FBLN7: variants seen among roughly 807,000 people sequenced by gnomAD.
The protein encoded by FBLN7 is fibulin-7.
In FBLN7, 31 loss-of-function variants were observed where a neutral mutation model predicts 44.0. The observed-to-expected ratio is 0.70, with a 90% CI of 0.53 to 0.95. FBLN7 has a LOEUF of 0.95. FBLN7 is among the 40% of genes least tolerant of loss of function. The pLI is 0.00. For synonymous variants in FBLN7, 262 were observed against 253.4 expected (o/e 1.03, Z -0.32); for missense variants, 573 against 618.5 (o/e 0.93, Z 0.78).
chr2:112,244,579 T>C, the FBLN7 span, among the ~76,000 whole-genome samples: 1 of 152,210 alleles, frequency 6.6e-6, no homozygotes, highest in Admixed American at 6.5e-5. Context: ...CTTTTACAGA[T>C]TGAAGGTCTG....
chr2:112,160,047 G>A (rs1681658473), intron 2 of FBLN7, among the ~76,000 whole-genome samples: 1 of 152,058 alleles, frequency 6.6e-6, no homozygotes, highest in African/African-American at 2.4e-5. Context: ...CTGGAGTGCA[G>A]TGGCGCGATC....
At chr2:112,168,268 G>C (rs138038522) in intron 3 of FBLN7, among the ~76,000 whole-genome samples, 1 of 152,170 alleles carries the variant, frequency 6.6e-6, no homozygotes, top group Non-Finnish European at 1.5e-5. Flanking sequence ...GCCCACCTTC[G>C]GGATGCCTAC....
chr2:112,167,875 G>GTTATGTTAT (rs767919839), intron 3 of FBLN7, among the ~76,000 whole-genome samples: 1,696 of 148,682 alleles, frequency 0.011, 21 homozygotes, highest in Middle Eastern at 0.02. Flanking sequence ...GACACGTTAT[G>GTTATGTTAT]TTATGTTATG....
chr2:112,215,811 GAAAGAT>G, the FBLN7 span: 1 of 152,056 alleles, frequency 6.6e-6, no homozygotes. Context: ...AAACCAATGA[GAAAGAT>G]AAATATTCTT....
chr2:112,239,316 T>G, the FBLN7 span, among the ~76,000 whole-genome samples: 855 of 152,346 alleles, frequency 5.6e-3, no homozygotes, highest in Non-Finnish European at 9.7e-3. Flanking sequence ...TCATTATAAT[T>G]AGTATGTATG....
intron 2 of FBLN7, among the ~76,000 whole-genome samples, chr2:112,160,146 A>G (rs1049456798): frequency 2.3e-4 from 35 of 151,664 alleles, no homozygotes; most frequent in East Asian, 7.7e-4. Context: ...GCCCGCCACC[A>G]CGCCCGGCTA....
At position 112,138,505 on chromosome 2, in the gene FBLN7, C is replaced by A; in HGVS notation, c.-151C>A. On this transcript the variant is annotated 5_prime_UTR_variant, in exon 1 of 8. Coordinates refer to ENST00000331203, the MANE Select transcript of FBLN7 (RefSeq NM_153214.3). ...CGATCCCCGCGGGACGCGCTGCGCT[C>A]GGGGCCTCCCGCCTCCCCCCCTGCC... is the stretch of plus-strand genomic sequence containing the variant. 9.7e-7 allele frequency: 1 copy of A among 1,025,908 alleles called. No individual in the cohort carries two copies. Among genetic ancestry groups the A allele is most frequent in the Non-Finnish European group, 1.3e-6 (1 of 760,762 alleles). 63.6% of individuals were successfully genotyped at this position (1,025,908 alleles called of 1,614,324 possible).
intron 2 of FBLN7, among the ~76,000 whole-genome samples, chr2:112,162,638 GTTCCCC>G (rs1358384672): frequency 1.3e-5 from 2 of 152,176 alleles, no homozygotes; most frequent in African/African-American, 4.8e-5. Flanking sequence ...CAAAGGACAC[GTTCCCC>G]TTCTGTCACT....
intron 1 of FBLN7, among the ~76,000 whole-genome samples, chr2:112,159,414 C>T (rs1681605099): frequency 6.6e-6 from 1 of 152,156 alleles, no homozygotes; most frequent in South Asian, 2.1e-4. Flanking sequence ...GATTATAAGG[C>T]TCTTTGGGTT....
At chr2:112,218,041 A>T in the FBLN7 span, among the ~76,000 whole-genome samples, 1 of 152,158 alleles carries the variant, frequency 6.6e-6, no homozygotes, top group South Asian at 2.1e-4. Flanking sequence ...GGCTCATACC[A>T]GCACACCCAG....
chr2:112,230,732 G>C, the FBLN7 span: 1 of 294,646 alleles, frequency 3.4e-6, no homozygotes, highest in South Asian at 5.1e-5. Context: ...AAGGAAGCAG[G>C]CTGATGTAGA....
At chr2:112,146,019 G>A (rs537053075) in intron 1 of FBLN7, among the ~76,000 whole-genome samples, 25 of 152,278 alleles carry the variant, frequency 1.6e-4, no homozygotes, top group Middle Eastern at 3.4e-3. Flanking sequence ...AGTTGTCTAT[G>A]CCTATAAGAA....
the FBLN7 span, among the ~76,000 whole-genome samples, chr2:112,223,019 G>T: frequency 6.6e-6 from 1 of 151,786 alleles, no homozygotes; most frequent in African/African-American, 2.4e-5. Flanking sequence ...AGAAATGAGT[G>T]TTGACTGCAT....
At chr2:112,161,101 C>G (rs1422430324) in intron 2 of FBLN7, among the ~76,000 whole-genome samples, 1 of 152,198 alleles carries the variant, frequency 6.6e-6, no homozygotes, top group Non-Finnish European at 1.5e-5. Context: ...CATGCTTGCC[C>G]TGTAACAGCT....
the FBLN7 span, among the ~76,000 whole-genome samples, chr2:112,225,232 GTTAA>G: frequency 6.6e-6 from 1 of 151,996 alleles, no homozygotes; most frequent in South Asian, 2.1e-4. Flanking sequence ...CCTCAAAATA[GTTAA>G]TTGTTAAAAA....
rs766973417 is a variant in FBLN7 at position 112,181,883 on chromosome 2, G to A, written c.670+7G>A. The A allele has an allele frequency of 7.8e-6, 12 of 1,534,120 alleles. No individual in the cohort carries two copies. Among genetic ancestry groups the A allele is most frequent in the Non-Finnish European group, 8.7e-6 (10 of 1,145,890 alleles). On this transcript the variant is annotated splice_region_variant and intron_variant, in intron 5 of 7. Transcript: ENST00000331203. ...GGCGACAGCGTCTGCCAGGGTAGGC[G>A]CGGGCTCCGCCAGGACACTGGGGAC...
At chr2:112,204,902 A>G in the FBLN7 span, among the ~76,000 whole-genome samples, 1 of 152,174 alleles carries the variant, frequency 6.6e-6, no homozygotes, top group Non-Finnish European at 1.5e-5. Flanking sequence ...AATATAAAAG[A>G]CAATATAAAT....
At chr2:112,242,886 G>T in the FBLN7 span, among the ~76,000 whole-genome samples, 1 of 152,144 alleles carries the variant, frequency 6.6e-6, no homozygotes, top group African/African-American at 2.4e-5. Context: ...TATAATCAAA[G>T]TAAGTTTCAT....
Position 112,185,240 on chromosome 2 carries a change from A to G in FBLN7, c.848A>G (p.Gln283Arg), listed in dbSNP as rs370260533. 9.5e-5 allele frequency: 153 copies of G among 1,613,784 alleles called. No homozygotes were observed. Among genetic ancestry groups the G allele is most frequent in the Non-Finnish European group, 1.3e-4 (152 of 1,179,882 alleles). The change falls in exon 7 of 8, where the codon CAG (glutamine) becomes CGG (arginine). Residue 283 changes from glutamine (Q) to arginine (R), a missense_variant. Gln to Arg is a conservative substitution (Grantham distance 43). Transcript: ENST00000331203. ...GTGGGCCTGCAGCCGGTGTGCCCCC[A>G]GGGGACCACATGCATCAACACCGGT... is the stretch of plus-strand genomic sequence containing the variant. ...ECVGLQPVCPQGTTCINTGGS... is the reference protein window; with the variant it reads ...ECVGLQPVCPRGTTCINTGGS...
Sources: gnomAD v4.1 joint callset for allele counts (sites outside exome capture counted in the v4.1 genomes callset) on GRCh38, gnomAD v4.1.1 for gene constraint, MANE v1.5 for transcripts, NCBI Gene and HGNC (gene_info 2026-07-23, HGNC 2026-07-21) for gene names.